Variants in CTPS2 observed in about 807,000 individuals in gnomAD.
The protein encoded by CTPS2 is CTP synthase 2.
CTPS2 carries 19 observed loss-of-function variants against 46.8 expected under a neutral mutation model. The observed-to-expected ratio is 0.41, with a 90% CI of 0.28 to 0.60. CTPS2 has a LOEUF of 0.60. Ranked by LOEUF, CTPS2 falls within the 20% of genes least tolerant of loss-of-function variation. The pLI is 0.35. For synonymous variants in CTPS2, 151 were observed against 165.2 expected (o/e 0.91, Z 0.66); for missense variants, 286 against 447.6 (o/e 0.64, Z 3.26).
chrX:16,623,281 T>C (rs1204829004), intron 14 of CTPS2, among the ~76,000 whole-genome samples: 1 of 111,658 alleles, frequency 9.0e-6, no homozygotes. Flanking sequence ...TACTCTCTCT[T>C]AGAGTTATTT....
chrX:16,646,304 G>A (rs961240875), intron 13 of CTPS2, among the ~76,000 whole-genome samples: 1 of 112,472 alleles, frequency 8.9e-6, no homozygotes. Flanking sequence ...GTGTGACCCT[G>A]AGCAGGTCCT....
At chrX:16,607,804 T>A (rs1021242134) in intron 17 of CTPS2, among the ~76,000 whole-genome samples, 4 of 112,966 alleles carry the variant, frequency 3.5e-5, no homozygotes, top group African/African-American at 6.4e-5. Context: ...TAATAACCCC[T>A]ACCAAAGTCT....
intron 13 of CTPS2, among the ~76,000 whole-genome samples, chrX:16,655,985 G>C (rs1412297933): frequency 9.1e-6 from 1 of 109,748 alleles, no homozygotes; most frequent in Non-Finnish European, 1.9e-5. Flanking sequence ...TAGTAGAGAC[G>C]GGGTTTCACC....
At chrX:16,645,108 G>T (rs1932252805) in intron 13 of CTPS2, among the ~76,000 whole-genome samples, 1 of 110,456 alleles carries the variant, frequency 9.1e-6, no homozygotes, top group Non-Finnish European at 1.9e-5. Flanking sequence ...TCAGCCTCCT[G>T]AGTAGCTGGG....
At chrX:16,606,594 T>C (rs1307993639) in intron 17 of CTPS2, among the ~76,000 whole-genome samples, 2 of 111,718 alleles carry the variant, frequency 1.8e-5, no homozygotes, top group African/African-American at 6.5e-5. Flanking sequence ...TACCAATTTG[T>C]GGTTGATACA....
chrX:16,665,028 A>T (rs1229573627), intron 13 of CTPS2, among the ~76,000 whole-genome samples: 1 of 112,757 alleles, frequency 8.9e-6, no homozygotes, highest in Non-Finnish European at 1.9e-5. Context: ...GCCAATAAAC[A>T]CATGAAAAGA....
At chrX:16,666,179 C>T (rs987265157) in intron 13 of CTPS2, among the ~76,000 whole-genome samples, 3 of 112,228 alleles carry the variant, frequency 2.7e-5, no homozygotes, top group Non-Finnish European at 5.6e-5. Context: ...AGCAGGGACA[C>T]GACTGGGTGT....
At chrX:16,626,254 C>T (rs887875968) in intron 14 of CTPS2, among the ~76,000 whole-genome samples, 14 of 111,025 alleles carry the variant, frequency 1.3e-4, no homozygotes, top group Non-Finnish European at 2.5e-4. Flanking sequence ...TGGTGGTGGA[C>T]ACCTGTAATC....
At chrX:16,633,718 T>C (rs1269971456) in intron 14 of CTPS2, among the ~76,000 whole-genome samples, 1 of 111,922 alleles carries the variant, frequency 8.9e-6, no homozygotes, top group East Asian at 2.8e-4. Flanking sequence ...TTTTTAGCAA[T>C]GAACAGAAAT....
At chrX:16,702,634 G>C in intron 2 of CTPS2, 103 bp downstream of exon 2, 1 of 722,871 alleles carries the variant, frequency 1.4e-6, no homozygotes, top group South Asian at 2.6e-5. Flanking sequence ...ATACGATCTA[G>C]TCACTCTAAA....
At chrX:16,683,460 G>A (rs768096180) in intron 8 of CTPS2, among the ~76,000 whole-genome samples, 16 of 110,796 alleles carry the variant, frequency 1.4e-4, no homozygotes, top group East Asian at 2.8e-4. Flanking sequence ...TTAGCCAGGC[G>A]TGGTGGGGCA....
intron 10 of CTPS2, among the ~76,000 whole-genome samples, chrX:16,673,035 C>T (rs372058251): frequency 5.7e-5 from 6 of 104,666 alleles, no homozygotes; most frequent in African/African-American, 2.1e-4. Context: ...TACAGGCGCC[C>T]GCCACTACGC....
chrX:16,598,797 C>G (rs1929457486), intron 17 of CTPS2, among the ~76,000 whole-genome samples: 2 of 111,375 alleles, frequency 1.8e-5, no homozygotes, highest in South Asian at 7.6e-4. Context: ...AACATTGATG[C>G]AAAAATCCTC....
intron 16 of CTPS2, among the ~76,000 whole-genome samples, chrX:16,615,988 C>T (rs73448264): frequency 0.012 from 1,347 of 112,121 alleles, 28 homozygotes; most frequent in African/African-American, 0.041. Context: ...TCACATGTCA[C>T]AGACAGTATT....
chrX:16,664,106 G>A, intron 13 of CTPS2, among the ~76,000 whole-genome samples: 1 of 112,264 alleles, frequency 8.9e-6, no homozygotes, highest in East Asian at 2.8e-4. Flanking sequence ...AAAGTGCTGG[G>A]ATTATAGGCA....
intron 13 of CTPS2, 23 bp downstream of exon 13, chrX:16,667,491 A>C: frequency 8.3e-7 from 1 of 1,207,451 alleles, no homozygotes; most frequent in Non-Finnish European, 1.1e-6. Flanking sequence ...GACTGGACCC[A>C]GAAAGATAAA....
At chrX:16,633,458 C>T (rs765179435) in intron 14 of CTPS2, among the ~76,000 whole-genome samples, 1 of 111,793 alleles carries the variant, frequency 8.9e-6, no homozygotes, top group African/African-American at 3.2e-5. Context: ...TTTCATGCCA[C>T]ATGAAAATGA....
intron 17 of CTPS2, among the ~76,000 whole-genome samples, chrX:16,607,871 A>G (rs1289891054): frequency 8.8e-6 from 1 of 113,039 alleles, no homozygotes; most frequent in Non-Finnish European, 1.9e-5. Flanking sequence ...ATATCCTTGG[A>G]TGAGAAGAAA....
chrX:16,635,727 G>C (rs756200505), intron 14 of CTPS2, among the ~76,000 whole-genome samples: 36 of 112,167 alleles, frequency 3.2e-4, no homozygotes, highest in Non-Finnish European at 4.7e-4. Flanking sequence ...TTTGATATTT[G>C]TATGCCACTC....
Sources: gnomAD v4.1 joint callset for allele counts (sites outside exome capture counted in the v4.1 genomes callset) on GRCh38, gnomAD v4.1.1 for gene constraint, MANE v1.5 for transcripts, NCBI Gene and HGNC (gene_info 2026-07-23, HGNC 2026-07-21) for gene names.